TNS3: variants seen among roughly 807,000 people sequenced by gnomAD.
TNS3 encodes tensin 3.
In TNS3, 45 loss-of-function variants were observed where a neutral mutation model predicts 140.9. The ratio of observed to expected loss-of-function variants is 0.32; its 90% CI spans 0.25 to 0.41. The LOEUF (loss-of-function observed/expected upper bound fraction) is 0.41, where lower values mean the gene tolerates loss of function less well. Ranked by LOEUF, TNS3 falls within the 10% of genes least tolerant of loss-of-function variation. The pLI is 1.00. For missense variants in TNS3, 1,716 were observed against 1,906.7 expected (o/e 0.90, Z 1.86); for synonymous variants, 815 against 788.4 (o/e 1.03, Z -0.56).
At chr7:47,356,833 T>G (rs1025125671) in intron 17 of TNS3, among the ~76,000 whole-genome samples, 34 of 152,088 alleles carry the variant, frequency 2.2e-4, no homozygotes, top group African/African-American at 7.7e-4. Flanking sequence ...TCCCACCACT[T>G]TGAGAGACTG....
At chr7:47,339,615 G>A (rs560587790) in intron 20 of TNS3, among the ~76,000 whole-genome samples, 2 of 152,240 alleles carry the variant, frequency 1.3e-5, no homozygotes, top group South Asian at 4.2e-4. Flanking sequence ...TTGAAATTAG[G>A]TAACCTCATT....
intron 1 of TNS3, among the ~76,000 whole-genome samples, chr7:47,546,432 T>C (rs1376602013): frequency 6.6e-6 from 1 of 152,066 alleles, no homozygotes; most frequent in Admixed American, 6.5e-5. Context: ...GTCCCAGCCC[T>C]GTGCACATCC....
At chr7:47,463,032 T>C (rs1186264036) in intron 4 of TNS3, among the ~76,000 whole-genome samples, 2 of 152,182 alleles carry the variant, frequency 1.3e-5, no homozygotes, top group African/African-American at 4.8e-5. Flanking sequence ...TGGCAGTAGT[T>C]GTGTTCTATA....
chr7:47,544,902 C>T (rs1015353676), intron 1 of TNS3, among the ~76,000 whole-genome samples: 12 of 151,844 alleles, frequency 7.9e-5, no homozygotes, highest in Admixed American at 6.6e-4. Context: ...CCTTGCCAAG[C>T]ATTTCTTCAC....
At chr7:47,385,199 GT>G (rs1329853221) in intron 16 of TNS3, among the ~76,000 whole-genome samples, 2 of 152,168 alleles carry the variant, frequency 1.3e-5, no homozygotes, top group African/African-American at 4.8e-5. Flanking sequence ...TGTCAATCCA[GT>G]CCCTGCCTGA....
intron 8 of TNS3, among the ~76,000 whole-genome samples, chr7:47,434,115 G>A (rs1208589386): frequency 6.6e-6 from 1 of 152,092 alleles, no homozygotes; most frequent in East Asian, 1.9e-4. Context: ...GTGCCCCGAT[G>A]GAAGTTTTCT....
intron 17 of TNS3, among the ~76,000 whole-genome samples, chr7:47,362,805 C>T (rs1790415641): frequency 6.6e-6 from 1 of 151,722 alleles, no homozygotes; most frequent in Non-Finnish European, 1.5e-5. Context: ...CCATCAGCAT[C>T]ATCACCATCA....
chr7:47,315,865 T>G (rs913072757), intron 20 of TNS3, among the ~76,000 whole-genome samples: 1 of 152,244 alleles, frequency 6.6e-6, no homozygotes, highest in Non-Finnish European at 1.5e-5. Context: ...AATTATTCAC[T>G]CATACATCAA....
Position 47,576,937 on chromosome 7 carries a change from ACTTT to A in TNS3, c.-265+5110_-265+5113del, listed in dbSNP as rs1193987320. Among the ~76,000 whole-genome samples the A allele has an allele frequency of 2.6e-5, 4 of 152,364 alleles. No homozygotes were observed. The East Asian group carries it at 5.8e-4, about 22-fold the overall frequency. ...GGCCTTGGCCAGACACTTCCCGAGG[ACTTT>A]CTTTCTTTCAGTATCGCCACGAGTG... On this transcript the variant is annotated intron_variant, in intron 1 of 30. Coordinates refer to ENST00000311160, the MANE Select transcript of TNS3 (RefSeq NM_022748.12).
At chr7:47,509,671 T>C (rs1798538825) in intron 2 of TNS3, among the ~76,000 whole-genome samples, 1 of 152,148 alleles carries the variant, frequency 6.6e-6, no homozygotes. Flanking sequence ...CCCAGCTTCC[T>C]ATCCTGCCGC....
intron 4 of TNS3, among the ~76,000 whole-genome samples, chr7:47,477,088 A>C (rs1797225195): frequency 6.6e-6 from 1 of 152,212 alleles, no homozygotes; most frequent in African/African-American, 2.4e-5. Flanking sequence ...CTGCAGACAA[A>C]GAACCCTCAC....
At chr7:47,541,347 C>CA (rs1799780301) in intron 1 of TNS3, among the ~76,000 whole-genome samples, 1 of 151,998 alleles carries the variant, frequency 6.6e-6, no homozygotes, top group Non-Finnish European at 1.5e-5. Context: ...TGTGTGTATA[C>CA]GAACCAGTGC....
intron 20 of TNS3, among the ~76,000 whole-genome samples, chr7:47,332,697 G>A (rs999265963): frequency 1.3e-5 from 2 of 152,234 alleles, no homozygotes; most frequent in African/African-American, 4.8e-5. Context: ...TTCACAGGCT[G>A]AAATTTTCAT....
chr7:47,555,181 A>G (rs528665303), intron 1 of TNS3, among the ~76,000 whole-genome samples: 13 of 151,870 alleles, frequency 8.6e-5, no homozygotes, highest in African/African-American at 2.9e-4. Context: ...CGGGTGGATC[A>G]CCTGAGGTCA....
intron 21 of TNS3, among the ~76,000 whole-genome samples, chr7:47,304,289 T>C (rs1786610788): frequency 6.6e-6 from 1 of 152,212 alleles, no homozygotes; most frequent in Admixed American, 6.5e-5. Flanking sequence ...ACACACGTAT[T>C]TCACTAGCAA....
At chr7:47,512,501 GC>G (rs1332536856) in intron 2 of TNS3, among the ~76,000 whole-genome samples, 3 of 152,204 alleles carry the variant, frequency 2.0e-5, no homozygotes, top group African/African-American at 7.2e-5. Context: ...ATATTAGGTA[GC>G]TATTGAAAAA....
chr7:47,581,592 A>G (rs1038099989), intron 1 of TNS3: 8 of 152,138 alleles, frequency 5.3e-5, no homozygotes, highest in African/African-American at 1.9e-4. Context: ...CTCTGCCCTC[A>G]GTCCAGGGCG....
chr7:47,453,065 G>C (rs893163871), intron 4 of TNS3: 67 of 985,398 alleles, frequency 6.8e-5, no homozygotes, highest in Non-Finnish European at 7.8e-5. Flanking sequence ...GGCAGCTCTG[G>C]GCATAAAGGA....
intron 16 of TNS3, among the ~76,000 whole-genome samples, chr7:47,372,530 C>T (rs1365988444): frequency 6.6e-6 from 1 of 152,176 alleles, no homozygotes; most frequent in South Asian, 2.1e-4. Context: ...TGGTAAGGCA[C>T]AGGATAGTCC....
Sources: allele counts gnomAD v4.1 joint callset (sites outside exome capture counted in the v4.1 genomes callset), GRCh38; gene constraint gnomAD v4.1.1; transcripts MANE v1.5; gene names NCBI Gene and HGNC (gene_info 2026-07-23, HGNC 2026-07-21).